NEFM: variants seen among roughly 807,000 people sequenced by gnomAD.
The protein encoded by NEFM is neurofilament medium chain, also known as neurofilament medium polypeptide.
In NEFM, 16 loss-of-function variants were observed where a neutral mutation model predicts 48.1. The observed-to-expected ratio is 0.33, with a 90% CI of 0.23 to 0.51. The LOEUF (loss-of-function observed/expected upper bound fraction) is 0.51. Ranked by LOEUF, NEFM falls within the 20% of genes least tolerant of loss-of-function variation. The pLI, the probability that NEFM is intolerant of heterozygous loss-of-function variation, is 0.98. For missense variants in NEFM, 1,107 were observed against 1,136.0 expected (o/e 0.97, Z 0.37); for synonymous variants, 465 against 456.9 (o/e 1.02, Z -0.23).
In NEFM at chr8:24,917,177, T is replaced by G; in HGVS notation, c.1322T>G (p.Val441Gly). Residue 441 changes from valine (V) to glycine (G), a missense_variant, in exon 3 of 3, where the codon GTG (valine) becomes GGG (glycine). Transcript: ENST00000221166. Reference protein sequence around the residue: ...TISSKIQKPKVEAPKLKVQHK... With the variant: ...TISSKIQKPKGEAPKLKVQHK... ...TCCAGTAAGATTCAGAAACCCAAGG[T>G]GGAAGCTCCCAAGCTTAAGGTCCAA... The G allele has an allele frequency of 6.2e-7, 1 of 1,613,960 alleles. No individual in the cohort carries two copies. The highest frequency in any genetic ancestry group is 1.6e-4 in the Middle Eastern group (1 of 6,062).
In NEFM at chr8:24,914,219, G is replaced by A. The variant is rs1368166241; in HGVS notation, c.426G>A (p.Ser142=). The change falls in exon 1 of 3, where the codon TCG becomes TCA. Residue 142 remains serine (S), a synonymous_variant. Coordinates refer to ENST00000221166, the MANE Select transcript of NEFM (RefSeq NM_005382.2). The part of the protein sequence containing the change: ...EIQALRQKQA[S]HAQLGDAYDQ... ...AGGCGCTGCGGCAGAAGCAGGCCTC[G>A]CACGCCCAGCTGGGCGACGCGTACG... 2.5e-6 allele frequency: 4 copies of A among 1,610,336 alleles called. No homozygotes were observed. The highest frequency in any genetic ancestry group is 1.1e-5 in the South Asian group (1 of 90,666).
At chr8:24,915,314 C>T (rs1257397522) in intron 1 of NEFM, 35 of 1,303,210 alleles carry the variant, frequency 2.7e-5, no homozygotes, top group Non-Finnish European at 3.0e-5. Context: ...CATGGAGTTT[C>T]CCCATGCATG....
chr8:24,918,370 G>T lies in NEFM; in HGVS notation c.2515G>T (p.Ala839Ser). ...VVTNGLDLSP[A>S]DEKKGGDKSE... ...CACCAATGGCCTAGACTTGAGCCCA[G>T]CAGATGAAAAGAAGGGGGGTGATAA... The change falls in exon 3 of 3, where the codon GCA becomes TCA. Residue 839 changes from alanine (A) to serine (S), a missense_variant. By Grantham distance (99) the Ala-to-Ser change is moderately conservative. Transcript: ENST00000221166. 6.2e-7 allele frequency: 1 copy of T among 1,614,146 alleles called. No homozygotes were observed. The highest frequency in any genetic ancestry group is 1.3e-5 in the African/African-American group (1 of 75,026).
At position 24,917,138 on chromosome 8, in the gene NEFM, C is replaced by T; in HGVS notation, c.1283C>T (p.Pro428Leu). ...ACTGGGCCACTGTATACACACCGAC[C>T]CCCAATCACAATATCCAGTAAGATT... is the stretch of plus-strand genomic sequence containing the variant. ...SITGPLYTHRPPITISSKIQK... is the reference protein window; with the variant it reads ...SITGPLYTHRLPITISSKIQK... Residue 428 changes from proline to leucine, a missense_variant, in exon 3 of 3, where the codon CCC becomes CTC. Physicochemically the swap from Pro to Leu is moderately conservative, Grantham distance 98 (BLOSUM62 -3). Transcript: ENST00000221166. 6.2e-7 allele frequency: 1 copy of T among 1,614,030 alleles called. No individual in the cohort carries two copies. The highest frequency in any genetic ancestry group is 8.5e-7 in the Non-Finnish European group (1 of 1,179,998).
In NEFM at chr8:24,918,219, T is replaced by G. The variant is rs1399856709; in HGVS notation, c.2364T>G (p.Ser788Arg). Reference sequence around the variant, plus strand: ...AGGGAGGAAGTGAGGAGGAAGGGAGTGATAAAGGTGCCAAGGGATCCAGGA... The same window carrying G: ...AGGGAGGAAGTGAGGAGGAAGGGAGGGATAAAGGTGCCAAGGGATCCAGGA... ...GGEGGSEEEG[S>R]DKGAKGSRKE... Residue 788 changes from serine (S) to arginine (R), a missense_variant, in exon 3 of 3, where the codon AGT (serine) becomes AGG (arginine). Around this residue, in one of 3 missense-constraint regions of NEFM, gnomAD observed 917 missense variants for 916.4 expected, o/e 1.00. Coordinates refer to ENST00000221166, the MANE Select transcript of NEFM (RefSeq NM_005382.2). The G allele has an allele frequency of 3.2e-6, 5 of 1,548,806 alleles. No homozygotes were observed. The South Asian group carries it at 5.9e-5, about 18-fold the overall frequency.
Position 24,918,307 on chromosome 8 carries a change from G to GAAAA in NEFM, c.2454_2457dup (p.Gly820LysfsTer23). The GAAAA allele has an allele frequency of 6.2e-7, 1 of 1,613,450 alleles. No homozygotes were observed. Among genetic ancestry groups the GAAAA allele is most frequent in the Non-Finnish European group, 8.5e-7 (1 of 1,179,732 alleles). On this transcript the variant is annotated frameshift_variant, in exon 3 of 3. Coordinates refer to ENST00000221166, the MANE Select transcript of NEFM (RefSeq NM_005382.2). LOFTEE classifies it high-confidence loss of function. ...AGAGGAGGTAGAGCAGGAGACCAAG[G>GAAAA]AAAAAGGCAGTGGGAGGGAAGAGGA...
intron 2 of NEFM, 137 bp from the exon 3 acceptor site, chr8:24,916,924 T>C (rs1035776563): frequency 1.3e-6 from 1 of 791,832 alleles, no homozygotes; most frequent in South Asian, 1.5e-5. Context: ...GCAGGTATTA[T>C]AGTGAATTCA....
chr8:24,917,882 A>G lies in NEFM; in HGVS notation c.2027A>G (p.Glu676Gly). 1.2e-6 allele frequency: 2 copies of G among 1,614,176 alleles called. No individual in the cohort carries two copies. The highest frequency in any genetic ancestry group is 1.7e-6 in the Non-Finnish European group (2 of 1,180,032). ...KSPVSKSPVE[E>G]KAKSPVPKSP... ...CCTGTGTCAAAATCACCAGTGGAAG[A>G]GAAAGCCAAATCTCCTGTGCCAAAA... The change falls in exon 3 of 3, where the codon GAG (glutamate) becomes GGG (glycine). Residue 676 changes from glutamate (E) to glycine (G), a missense_variant. Coordinates refer to ENST00000221166, the MANE Select transcript of NEFM (RefSeq NM_005382.2).
Position 24,918,200 on chromosome 8 carries a change from G to A in NEFM, c.2345G>A (p.Gly782Glu), listed in dbSNP as rs765840730. The change falls in exon 3 of 3, where the codon GGA becomes GAA. Residue 782 changes from glycine to glutamate, a missense_variant. Physicochemically the swap from Gly to Glu is moderately conservative, Grantham distance 98. Transcript: ENST00000221166. ...KEKEKAGGEG[G>E]SEEEGSDKGA... is the part of the protein sequence containing the mutation. Reference sequence around the variant, plus strand: ...AAGGAGAAAGCGGGAGGAGAGGGAGGAAGTGAGGAGGAAGGGAGTGATAAA... The same window carrying A: ...AAGGAGAAAGCGGGAGGAGAGGGAGAAAGTGAGGAGGAAGGGAGTGATAAA... The A allele has an allele frequency of 1.8e-5, 28 of 1,552,442 alleles. No homozygotes were observed. The highest frequency in any genetic ancestry group is 3.6e-5 in the South Asian group (3 of 84,198).
chr8:24,917,064 ACTC>A lies in NEFM; in HGVS notation c.1212_1214del (p.Leu405del), dbSNP rs1802584057. 1 of 1,613,668 alleles carries A rather than the reference ACTC, an allele frequency of 6.2e-7. No homozygotes were observed. Among genetic ancestry groups the A allele is most frequent in the Non-Finnish European group, 8.5e-7 (1 of 1,179,932 alleles). On this transcript the variant is annotated inframe_deletion, in exon 3 of 3. Transcript: ENST00000221166. ...TGTTCTTGGATTTTCTCCTTAGAAAACTCCTGGAGGGTGAAGAGACTAGATTTA... is the reference window on the plus strand; with the variant it reads ...TGTTCTTGGATTTTCTCCTTAGAAAACTGGAGGGTGAAGAGACTAGATTTA...
chr8:24,917,949 A>C lies in NEFM; in HGVS notation c.2094A>C (p.Lys698Asn). ...EEAKSKAEVG[K>N]GEQKEEEEKE... The stretch of plus-strand genomic sequence containing the variant: ...CAAAGTCAAAAGCAGAAGTGGGGAA[A>C]GGTGAACAGAAAGAGGAAGAAGAAA... The change falls in exon 3 of 3, where the codon AAA becomes AAC. Residue 698 changes from lysine to asparagine, a missense_variant. Coordinates refer to ENST00000221166, the MANE Select transcript of NEFM (RefSeq NM_005382.2). The C allele has an allele frequency of 1.2e-6, 2 of 1,614,116 alleles. No homozygotes were observed. Among genetic ancestry groups the C allele is most frequent in the Non-Finnish European group, 1.7e-6 (2 of 1,180,006 alleles).
chr8:24,917,016 A>C, intron 2 of NEFM, 45 bp from the exon 3 acceptor site: 1 of 1,517,040 alleles, frequency 6.6e-7, no homozygotes, highest in Non-Finnish European at 9.2e-7. Context: ...CAGAAGGCCT[A>C]GTGAAATTTT....
intron 1 of NEFM, chr8:24,915,397 T>A (rs1013975559): frequency 7.6e-6 from 8 of 1,053,502 alleles, no homozygotes; most frequent in Non-Finnish European, 1.1e-5. Flanking sequence ...TGTCCTATTG[T>A]CTTACTGATC....
At position 24,914,719 on chromosome 8, in the gene NEFM, C is replaced by T. The variant is rs776755066; in HGVS notation, c.926C>T (p.Ala309Val). The change falls in exon 1 of 3, where the codon GCC (alanine) becomes GTC (valine). Residue 309 changes from alanine to valine, a missense_variant. Physicochemically the swap from Ala to Val is moderately conservative, Grantham distance 64. Transcript: ENST00000221166. ...GAGGCGGCCGAGCAGAACAAGGAGGCCATCCGCTCCGCCAAGGAAGAGATC... is the reference window on the plus strand; with the variant it reads ...GAGGCGGCCGAGCAGAACAAGGAGGTCATCCGCTCCGCCAAGGAAGAGATC... ...LTEAAEQNKE[A>V]IRSAKEEIAE... is the part of the protein sequence containing the mutation. 3.1e-6 allele frequency: 5 copies of T among 1,613,926 alleles called. No individual in the cohort carries two copies. Among genetic ancestry groups the T allele is most frequent in the South Asian group, 1.1e-5 (1 of 91,070 alleles).
chr8:24,915,366 G>T, intron 1 of NEFM: 1 of 1,094,710 alleles, frequency 9.1e-7, no homozygotes, highest in South Asian at 1.7e-5. Context: ...ACTGGTCTCC[G>T]TGCGTGATGT....
chr8:24,915,760 C>T (rs778996520), intron 2 of NEFM, 31 bp downstream of exon 2: 39 of 1,613,744 alleles, frequency 2.4e-5, no homozygotes, highest in Admixed American at 1.3e-4. Context: ...GTGGCCGGAA[C>T]ACTAACCGCA....
chr8:24,914,348 C>G lies in NEFM; in HGVS notation c.555C>G (p.Leu185=). The change falls in exon 1 of 3, where the codon CTC becomes CTG. Residue 185 remains leucine (L), a synonymous_variant. Coordinates refer to ENST00000221166, the MANE Select transcript of NEFM (RefSeq NM_005382.2). The part of the protein sequence containing the change: ...SDHLEEDIHR[L]KERFEEEARL... ...ACCTGGAGGAAGACATCCACCGGCT[C>G]AAGGAGCGCTTTGAGGAGGAGGCGC... 1.9e-6 allele frequency: 3 copies of G among 1,613,656 alleles called. No individual in the cohort carries two copies. The highest frequency in any genetic ancestry group is 2.5e-6 in the Non-Finnish European group (3 of 1,179,942).
In NEFM at chr8:24,918,553, G is replaced by A. The variant is rs1802618862; in HGVS notation, c.2698G>A (p.Val900Ile). 5 of 1,613,548 alleles carry A rather than the reference G, an allele frequency of 3.1e-6. 1 individual carries two copies. The highest frequency in any genetic ancestry group is 2.5e-6 in the Non-Finnish European group (3 of 1,180,014). Residue 900 changes from valine (V) to isoleucine (I), a missense_variant, in exon 3 of 3, where the codon GTA (valine) becomes ATA (isoleucine). Val to Ile is a conservative substitution (Grantham distance 29). This residue lies in a region of NEFM where 917 missense variants were observed against 916.4 expected (regional missense o/e 1.00). Transcript: ENST00000221166. ...GGAGAAACTAGTGTCTACTAAAAAG[G>A]TAGAAAAAGTCACTTCACACGCCAT... ...FEEKLVSTKK[V>I]EKVTSHAIVK...
At position 24,918,497 on chromosome 8, in the gene NEFM, A is replaced by C; in HGVS notation, c.2642A>C (p.Gln881Pro). Residue 881 changes from glutamine to proline, a missense_variant, in exon 3 of 3, where the codon CAA becomes CCA. Gln to Pro is a moderately conservative substitution (Grantham distance 76). Transcript: ENST00000221166. Reference sequence around the variant, plus strand: ...ATCACTAAATCTGTAACCGTCACTCAAAAGGTTGAAGAGCATGAAGAGACC... The same window carrying C: ...ATCACTAAATCTGTAACCGTCACTCCAAAGGTTGAAGAGCATGAAGAGACC... ...KYITKSVTVT[Q>P]KVEEHEETFE... 1 of 1,614,092 alleles carries C rather than the reference A, an allele frequency of 6.2e-7. No homozygotes were observed. The highest frequency in any genetic ancestry group is 1.3e-5 in the African/African-American group (1 of 75,056).
Sources: allele counts gnomAD v4.1 joint callset, GRCh38; gene constraint gnomAD v4.1.1; regional missense constraint gnomAD v4.1.1; transcripts MANE v1.5; gene names NCBI Gene and HGNC (gene_info 2026-07-23, HGNC 2026-07-21).